Variants in NRG4 observed in about 807,000 individuals in gnomAD.
NRG4 encodes neuregulin 4.
In NRG4, 10 loss-of-function variants were observed where a neutral mutation model predicts 15.0. The ratio of observed to expected loss-of-function variants is 0.67; its 90% confidence interval spans 0.41 to 1.13. NRG4 has a LOEUF of 1.13. Ranked by LOEUF, NRG4 falls within the 50% of genes most tolerant of loss-of-function variation. NRG4 has a pLI of 0.00. For synonymous variants in NRG4, 41 were observed against 50.1 expected, an observed-to-expected ratio of 0.82 and a Z score of 0.77; for missense variants, 139 against 140.2, an observed-to-expected ratio of 0.99 and a Z score of 0.04.
At chr15:75,940,433 GTCTC>G (rs1330754803), downstream of NRG4, 1 of 150,034 alleles carries the variant, frequency 6.7e-6, no homozygotes. Context: ...ATTCACTACA[GTCTC>G]TATCAGAATC....
At chr15:75,999,060 G>C in intron 3 of NRG4, among the ~76,000 whole-genome samples, 1 of 152,160 alleles carries the variant, frequency 6.6e-6, no homozygotes, top group East Asian at 1.9e-4. Context: ...ACACACCAAA[G>C]GAAAACGGAG....
At chr15:75,947,995 G>C (rs1230939539) in intron 5 of NRG4, among the ~76,000 whole-genome samples, 2 of 152,076 alleles carry the variant, frequency 1.3e-5, no homozygotes, top group Non-Finnish European at 2.9e-5. Flanking sequence ...GCCCGTTTTT[G>C]AATTAGGTTC....
intron 2 of NRG4, among the ~76,000 whole-genome samples, chr15:76,055,851 T>C (rs2141971420): frequency 6.6e-6 from 1 of 152,220 alleles, no homozygotes; most frequent in East Asian, 1.9e-4. Flanking sequence ...GTGGGTTTAC[T>C]GTAGTTTAAA....
chr15:75,987,223 C>A (rs78133456), intron 3 of NRG4, among the ~76,000 whole-genome samples: 3,157 of 152,264 alleles, frequency 0.021, 108 homozygotes, highest in African/African-American at 0.071. Context: ...AGCCAGGAAT[C>A]ATGGAGGTAA....
intron 3 of NRG4, among the ~76,000 whole-genome samples, chr15:76,004,323 G>A (rs1242441842): frequency 6.6e-6 from 1 of 152,022 alleles, no homozygotes; most frequent in Non-Finnish European, 1.5e-5. Context: ...ACTACAGGCC[G>A]GGTGCAGTGA....
chr15:75,950,536 T>C, intron 5 of NRG4: 1 of 240,002 alleles, frequency 4.2e-6, no homozygotes, highest in Non-Finnish European at 9.2e-6. Context: ...CAGCTCCAGG[T>C]CATCCATTTA....
At chr15:76,036,517 A>G (rs1244943746) in intron 4 of NRG4, among the ~76,000 whole-genome samples, 1 of 152,244 alleles carries the variant, frequency 6.6e-6, no homozygotes, top group African/African-American at 2.4e-5. Context: ...CTAGACTCCA[A>G]TTCCCAATTC....
Position 76,047,034 on chromosome 15 carries a change from C to T in NRG4, c.-105+5033G>A, listed in dbSNP as rs974335752. 1.2e-4 allele frequency among the ~76,000 whole-genome samples: 18 copies of T among 150,582 alleles called. 2 individuals are homozygous for T. Among genetic ancestry groups the T allele is most frequent in the African/African-American group, 4.0e-4 (16 of 40,296 alleles). On this transcript the variant is annotated intron_variant, in intron 4 of 8. Transcript: ENST00000563910. Reference sequence around the variant, plus strand: ...CAGACATTTCTCAAAAGAAGACATACAAATGGTCAACATGTGTATTAAAAA... The same window carrying T: ...CAGACATTTCTCAAAAGAAGACATATAAATGGTCAACATGTGTATTAAAAA...
intron 3 of NRG4, among the ~76,000 whole-genome samples, chr15:76,006,539 G>T (rs1232267803): frequency 6.6e-6 from 1 of 151,850 alleles, no homozygotes. Flanking sequence ...TTCCTTCCAG[G>T]GTGTTTAGCA....
chr15:76,047,462 C>T (rs1398686844), intron 4 of NRG4, among the ~76,000 whole-genome samples: 1 of 150,892 alleles, frequency 6.6e-6, no homozygotes, highest in African/African-American at 2.5e-5. Context: ...AAAATCCCGT[C>T]ATTTGCAGCA....
intron 2 of NRG4, among the ~76,000 whole-genome samples, chr15:76,055,001 C>T (rs1050461245): frequency 8.0e-5 from 12 of 149,766 alleles, no homozygotes; most frequent in East Asian, 2.0e-4. Context: ...AAGAGGGGGC[C>T]GGGCACAGTG....
At chr15:75,992,075 CT>C (rs2034038096) in intron 3 of NRG4, among the ~76,000 whole-genome samples, 1 of 152,136 alleles carries the variant, frequency 6.6e-6, no homozygotes, top group Admixed American at 6.5e-5. Flanking sequence ...ACTGCACAGT[CT>C]ACTTAGGGTT....
intron 5 of NRG4, among the ~76,000 whole-genome samples, chr15:75,944,923 A>C (rs770005091): frequency 1.1e-4 from 17 of 151,876 alleles, no homozygotes; most frequent in Non-Finnish European, 1.6e-4. Context: ...TTCTTACAAA[A>C]AAACAACAGT....
chr15:76,055,654 T>C (rs982311022), intron 2 of NRG4, among the ~76,000 whole-genome samples: 1 of 151,608 alleles, frequency 6.6e-6, no homozygotes, highest in Non-Finnish European at 1.5e-5. Flanking sequence ...ATATACTGTT[T>C]ATTAAAAAAA....
At chr15:75,976,816 C>T (rs1315020023) in intron 3 of NRG4, among the ~76,000 whole-genome samples, 1 of 152,184 alleles carries the variant, frequency 6.6e-6, no homozygotes, top group Non-Finnish European at 1.5e-5. Flanking sequence ...GTCAGGGACC[C>T]ACTTGAGGTG....
At chr15:76,036,893 TAGAC>T (rs2035607745) in intron 4 of NRG4, among the ~76,000 whole-genome samples, 1 of 151,930 alleles carries the variant, frequency 6.6e-6, no homozygotes, top group Non-Finnish European at 1.5e-5. Context: ...CTGGAGCAAT[TAGAC>T]AGGAAAAAGA....
At chr15:76,048,157 A>C (rs2035917122) in intron 4 of NRG4, among the ~76,000 whole-genome samples, 1 of 150,066 alleles carries the variant, frequency 6.7e-6, no homozygotes, top group Non-Finnish European at 1.5e-5. Context: ...TGTTTCAAAA[A>C]AAAAAAAAAA....
At position 75,967,489 on chromosome 15, in the gene NRG4, C is replaced by A. The variant is rs539684995; in HGVS notation, c.105-5515G>T. Reference sequence around the variant, plus strand: ...TTTTTTTTTTTTTTTGAGATGGAGTCTTGCTTTTGTTGCTCAGGCTGGAGT... The same window carrying A: ...TTTTTTTTTTTTTTTGAGATGGAGTATTGCTTTTGTTGCTCAGGCTGGAGT... On this transcript the variant is annotated intron_variant, in intron 3 of 5. Transcript: ENST00000394907. 4.5e-5 allele frequency among the ~76,000 whole-genome samples: 4 copies of A among 89,886 alleles called. No homozygotes were observed. The South Asian group carries it at 1.7e-3, about 38-fold the overall frequency. The allele number at this position is 89,886 out of a possible 152,430, so 59.0% of individuals were successfully genotyped here. A position where few individuals can be genotyped will look rare whatever the true frequency, so the allele number is the denominator to read the frequency against.
chr15:75,970,132 GC>G lies in NRG4; in HGVS notation c.105-8159del, dbSNP rs1412107814. Among the ~76,000 whole-genome samples the G allele has an allele frequency of 2.6e-5, 4 of 152,262 alleles. No homozygotes were observed. In the East Asian group the frequency reaches 5.8e-4, roughly 22 times the overall value. On this transcript the variant is annotated intron_variant, in intron 3 of 5. Transcript: ENST00000394907. ...ATCTTAACCATTTGATCTTAAGAAA[GC>G]CTTAAAAATTTCTGGGGTTAATAAA...
Sources: gnomAD v4.1 joint callset for allele counts (sites outside exome capture counted in the v4.1 genomes callset) on GRCh38, gnomAD v4.1.1 for gene constraint, MANE v1.5 for transcripts, NCBI Gene and HGNC (gene_info 2026-07-23, HGNC 2026-07-21) for gene names.